The following KCNN2 variants were observed in gnomAD, a reference collection of about 807,000 sequenced individuals.
KCNN2 encodes small conductance calcium-activated potassium channel protein 2.
KCNN2 carries 24 observed loss-of-function variants against 55.5 expected under a neutral mutation model. The observed-to-expected ratio is 0.43, with a 90% confidence interval of 0.31 to 0.61. The LOEUF (loss-of-function observed/expected upper bound fraction) is 0.61, where lower values mean the gene tolerates loss of function less well. Ranked by LOEUF, KCNN2 falls within the 20% of genes least tolerant of loss-of-function variation. The pLI, the probability that KCNN2 is intolerant of heterozygous loss-of-function variation, is 0.08. For synonymous variants in KCNN2, 431 were observed against 336.1 expected, an observed-to-expected ratio of 1.28 and a Z score of -3.09; for missense variants, 754 against 853.6, an observed-to-expected ratio of 0.88 and a Z score of 1.45.
At chr5:114,438,675 T>A (rs1014632019) in intron 3 of KCNN2, among the ~76,000 whole-genome samples, 2 of 152,160 alleles carry the variant, frequency 1.3e-5, no homozygotes, top group African/African-American at 4.8e-5. Flanking sequence ...GATGTCACCA[T>A]GCTTCAGACA....
intron 2 of KCNN2, among the ~76,000 whole-genome samples, chr5:114,317,869 C>A (rs530856440): frequency 6.6e-6 from 1 of 152,338 alleles, no homozygotes; most frequent in South Asian, 2.1e-4. Flanking sequence ...CCGCAGGCAA[C>A]GTGCCTGCCC....
intron 1 of KCNN2, among the ~76,000 whole-genome samples, chr5:114,085,402 T>C (rs1400470438): frequency 6.6e-6 from 1 of 152,022 alleles, no homozygotes; most frequent in Non-Finnish European, 1.5e-5. Context: ...ATAGATCCTT[T>C]ACATATTTTG....
At chr5:114,466,508 A>G (rs1295975450) in intron 4 of KCNN2, among the ~76,000 whole-genome samples, 1 of 152,034 alleles carries the variant, frequency 6.6e-6, no homozygotes, top group African/African-American at 2.4e-5. Context: ...ACATCCTGAA[A>G]GCTATGAATT....
At chr5:114,247,855 C>T (rs1561539682) in intron 2 of KCNN2, among the ~76,000 whole-genome samples, 1 of 151,932 alleles carries the variant, frequency 6.6e-6, no homozygotes, top group Non-Finnish European at 1.5e-5. Context: ...AGGTGGGTTT[C>T]TGGATTTGCT....
chr5:114,293,871 C>G (rs1201386345), intron 2 of KCNN2, among the ~76,000 whole-genome samples: 1 of 152,112 alleles, frequency 6.6e-6, no homozygotes, highest in African/African-American at 2.4e-5. Context: ...AATTTCAGAG[C>G]CTGTTATTGG....
chr5:114,246,852 C>A (rs923673583), intron 2 of KCNN2, among the ~76,000 whole-genome samples: 1 of 151,846 alleles, frequency 6.6e-6, no homozygotes, highest in African/African-American at 2.4e-5. Flanking sequence ...TATTAGCTAA[C>A]ATAATTTAAT....
At chr5:114,059,489 G>A (rs1406734255) in intron 1 of KCNN2, among the ~76,000 whole-genome samples, 1 of 152,088 alleles carries the variant, frequency 6.6e-6, no homozygotes, top group Non-Finnish European at 1.5e-5. Flanking sequence ...AATTCCTTTG[G>A]GGCAGAGAAA....
At chr5:114,243,015 TA>T (rs1754675686) in intron 2 of KCNN2, among the ~76,000 whole-genome samples, 1 of 7,032 alleles carries the variant, frequency 1.4e-4, no homozygotes. Context: ...GCAAAAGAAA[TA>T]TTCTCTGCCA....
intron 2 of KCNN2, among the ~76,000 whole-genome samples, chr5:114,385,244 T>C (rs60989400): frequency 0.038 from 5,762 of 152,116 alleles, 369 homozygotes; most frequent in African/African-American, 0.13. Context: ...CTCCCTTTTG[T>C]TCTCTTTCTC....
rs1457711245 is a variant in KCNN2, at chr5:114,337,708, GA to G, written c.-184-23231del. Among the ~76,000 whole-genome samples the G allele has an allele frequency of 3.3e-5, 5 of 152,058 alleles. 1 individual carries two copies. The East Asian group carries it at 9.7e-4, about 29-fold the overall frequency. On this transcript the variant is annotated intron_variant, in intron 2 of 10. Transcript: ENST00000512097. ...CACAGACAATAGTGTTTTCATCCAA[GA>G]AAAAATTCCCACTCTTGGCTCATAT...
At chr5:114,280,500 G>A (rs149851449) in intron 2 of KCNN2, among the ~76,000 whole-genome samples, 4,613 of 152,220 alleles carry the variant, frequency 0.03, 246 homozygotes, top group African/African-American at 0.1. Flanking sequence ...AAGGGATCCA[G>A]TTTCAGCTTT....
chr5:114,102,253 A>G (rs1415781943), intron 1 of KCNN2, among the ~76,000 whole-genome samples: 8 of 151,026 alleles, frequency 5.3e-5, no homozygotes, highest in Non-Finnish European at 1.2e-4. Flanking sequence ...GTCTGTTCAT[A>G]TCCTTCATCC....
chr5:114,261,493 A>G (rs771193699), intron 2 of KCNN2, among the ~76,000 whole-genome samples: 3 of 152,154 alleles, frequency 2.0e-5, no homozygotes, highest in Non-Finnish European at 4.4e-5. Flanking sequence ...TGAACCTTTC[A>G]CACAAAGTGC....
chr5:114,287,755 TA>T (rs531949664), intron 2 of KCNN2, among the ~76,000 whole-genome samples: 164 of 143,612 alleles, frequency 1.1e-3, no homozygotes, highest in East Asian at 4.1e-3. Context: ...AGAACTTAAA[TA>T]AAAAAAAAAA....
chr5:114,261,439 G>T (rs974453557), intron 2 of KCNN2, among the ~76,000 whole-genome samples: 9 of 152,176 alleles, frequency 5.9e-5, no homozygotes, highest in African/African-American at 1.9e-4. Flanking sequence ...CAGTGAGAAG[G>T]AAGGCTGATT....
intron 2 of KCNN2, among the ~76,000 whole-genome samples, chr5:114,272,109 G>A (rs769518319): frequency 1.7e-4 from 26 of 152,088 alleles, no homozygotes; most frequent in Non-Finnish European, 3.4e-4. Context: ...ACTATAGAAA[G>A]TGGAAAAACA....
chr5:114,317,651 C>T (rs1756526045), intron 2 of KCNN2, among the ~76,000 whole-genome samples: 1 of 152,112 alleles, frequency 6.6e-6, no homozygotes, highest in Non-Finnish European at 1.5e-5. Context: ...GAGTCCTGCA[C>T]CTCCATGAGT....
At chr5:114,305,590 G>A (rs1275568124) in intron 2 of KCNN2, among the ~76,000 whole-genome samples, 1 of 152,152 alleles carries the variant, frequency 6.6e-6, no homozygotes, top group African/African-American at 2.4e-5. Context: ...TCTGGGCCAC[G>A]GCTAGGGCTG....
chr5:114,204,273 A>T (rs1232513562), intron 1 of KCNN2, among the ~76,000 whole-genome samples: 2 of 152,230 alleles, frequency 1.3e-5, no homozygotes, highest in African/African-American at 4.8e-5. Flanking sequence ...ATTAAAATTA[A>T]TGCTACATTT....
Sources: allele counts gnomAD v4.1 joint callset (sites outside exome capture counted in the v4.1 genomes callset), GRCh38; gene constraint gnomAD v4.1.1; transcripts MANE v1.5; gene names NCBI Gene and HGNC (gene_info 2026-07-23, HGNC 2026-07-21).